CCDC77: variants seen among roughly 807,000 people sequenced by gnomAD.
CCDC77 encodes the protein coiled-coil domain-containing protein 77.
CCDC77 carries 56 observed loss-of-function variants against 66.8 expected under a neutral mutation model. The observed-to-expected ratio is 0.84, with a 90% CI of 0.68 to 1.05. The LOEUF (loss-of-function observed/expected upper bound fraction) is 1.05. Among genes scored for constraint, CCDC77 ranks in the 50% least tolerant of loss-of-function variants. The probability of loss-of-function intolerance (pLI) is 0.00; values close to 1 mark genes in which losing one functional copy is unlikely to be tolerated. For missense variants in CCDC77, 570 were observed against 576.8 expected (o/e 0.99, Z 0.12); for synonymous variants, 196 against 195.2 (o/e 1.00, Z -0.03).
intron 2 of CCDC77, among the ~76,000 whole-genome samples, chr12:408,462 A>G (rs752641048): frequency 8.5e-5 from 13 of 152,192 alleles, no homozygotes; most frequent in Non-Finnish European, 1.3e-4. Flanking sequence ...AGATAGCATC[A>G]GTGGCTTTAT....
At position 416,355 on chromosome 12, in the gene CCDC77, GTGTGTGTGTGTGTGTGTGTGTGTA is replaced by G. The variant is rs1565569018; in HGVS notation, c.271-2137_271-2114del. Among the ~76,000 whole-genome samples, 5 of 31,750 alleles carry G rather than the reference GTGTGTGTGTGTGTGTGTGTGTGTA, an allele frequency of 1.6e-4. No individual in the cohort carries two copies. The East Asian group carries it at 1.0e-2, about 63-fold the overall frequency. The allele number at this position is 31,750 out of a possible 152,430, so 20.8% of individuals were successfully genotyped here. A position where few individuals can be genotyped will look rare whatever the true frequency, so the allele number is the denominator to read the frequency against. On this transcript the variant is annotated intron_variant, in intron 4 of 12. Transcript: ENST00000239830. ...TGTGGGTGTGTGGGGGTGTGTGTGT[GTGTGTGTGTGTGTGTGTGTGTGTA>G]TATATATATATATATATATATATAT...
intron 3 of CCDC77, chr12:409,661 C>T (rs1433055908): frequency 8.2e-6 from 4 of 487,590 alleles, no homozygotes; most frequent in Middle Eastern, 5.7e-4. Context: ...TGATTACAGG[C>T]ATAAGCCACT....
intron 5 of CCDC77, among the ~76,000 whole-genome samples, chr12:423,285 A>G (rs901748116): frequency 8.0e-6 from 1 of 125,184 alleles, no homozygotes; most frequent in African/African-American, 3.0e-5. Context: ...TGCCATGCCC[A>G]GCTAATTTTT....
chr12:427,224 G>A (rs530490371), intron 5 of CCDC77, among the ~76,000 whole-genome samples: 187 of 150,754 alleles, frequency 1.2e-3, no homozygotes, highest in African/African-American at 4.2e-3. Flanking sequence ...CAGCCTGGGC[G>A]ACAGAGCGAG....
chr12:409,337 C>T, intron 2 of CCDC77, 31 bp from the exon 3 acceptor site: 1 of 1,535,878 alleles, frequency 6.5e-7, no homozygotes, highest in South Asian at 1.1e-5. Flanking sequence ...TATTCGTGGC[C>T]CGTAATTATG....
At position 440,861 on chromosome 12, in the gene CCDC77, G is replaced by A. The variant is rs1045935019; in HGVS notation, c.1185G>A (p.Met395Ile). The A allele has an allele frequency of 5.6e-6, 9 of 1,613,450 alleles. No homozygotes were observed. Among genetic ancestry groups the A allele is most frequent in the Non-Finnish European group, 7.6e-6 (9 of 1,180,008 alleles). ...REIFKDRTNK[M>I]GKRLQIMTKR... The stretch of plus-strand genomic sequence containing the variant: ...ATATTTAGGATCGCACTAACAAGAT[G>A]GGGAAGCGTTTACAGATAATGACAA... Residue 395 changes from methionine to isoleucine, a missense_variant, in exon 12 of 13, where the codon ATG (methionine) becomes ATA (isoleucine). Met to Ile is a conservative substitution (Grantham distance 10). Coordinates refer to ENST00000239830, the MANE Select transcript of CCDC77 (RefSeq NM_032358.4).
At chr12:395,096 A>C (rs1944808967) in intron 1 of CCDC77, 1 of 152,130 alleles carries the variant, frequency 6.6e-6, no homozygotes, top group Non-Finnish European at 1.5e-5. Flanking sequence ...TAGTTTTCTG[A>C]GGCACGGTTT....
intron 2 of CCDC77, 110 bp from the exon 3 acceptor site, chr12:409,258 C>A (rs977115532): frequency 1.1e-5 from 8 of 705,462 alleles, no homozygotes; most frequent in Non-Finnish European, 1.7e-5. Context: ...ACATCAGATT[C>A]TTTCCAAGAA....
chr12:389,497 G>A (rs910503448), intron 1 of CCDC77: 3 of 397,168 alleles, frequency 7.6e-6, no homozygotes, highest in African/African-American at 6.1e-5. Flanking sequence ...GTAAGGGGTC[G>A]GGGAGGGGCA....
At chr12:426,610 G>A (rs946455308) in intron 5 of CCDC77, among the ~76,000 whole-genome samples, 1 of 152,176 alleles carries the variant, frequency 6.6e-6, no homozygotes, top group African/African-American at 2.4e-5. Flanking sequence ...CCCCCACCTA[G>A]TATGTCCATT....
intron 4 of CCDC77, among the ~76,000 whole-genome samples, chr12:415,516 ATATTAACATAAT>A (rs1476924664): frequency 3.9e-5 from 5 of 129,204 alleles, no homozygotes; most frequent in African/African-American, 1.2e-4. Context: ...TAATATGTTA[ATATTAACATAAT>A]TATTAACATA....
At chr12:390,265 C>A (rs561744349) in intron 1 of CCDC77, 18 of 152,280 alleles carry the variant, frequency 1.2e-4, no homozygotes, top group African/African-American at 4.1e-4. Flanking sequence ...TTTCTCCTCT[C>A]AAATCCCTCT....
At chr12:393,119 T>C (rs1036857780) in intron 1 of CCDC77, among the ~76,000 whole-genome samples, 86 of 152,282 alleles carry the variant, frequency 5.6e-4, no homozygotes, top group Admixed American at 8.5e-4. Context: ...TATTTATTTT[T>C]TAATTTTTAT....
chr12:409,269 G>A, intron 2 of CCDC77, 99 bp from the exon 3 acceptor site: 8 of 783,642 alleles, frequency 1.0e-5, no homozygotes, highest in South Asian at 1.6e-5. Flanking sequence ...TTTCCAAGAA[G>A]CAAATATGAT....
chr12:416,375 G>GTATATA (rs1489079419), intron 4 of CCDC77, among the ~76,000 whole-genome samples: 5 of 20,592 alleles, frequency 2.4e-4, no homozygotes, highest in East Asian at 8.3e-4. Context: ...GTGTGTGTGT[G>GTATATA]TGTATATATA....
intron 4 of CCDC77, among the ~76,000 whole-genome samples, chr12:412,181 A>G (rs1478412434): frequency 2.6e-5 from 4 of 152,156 alleles, no homozygotes; most frequent in African/African-American, 9.7e-5. Context: ...AAATTCTGAC[A>G]TCTCCATATC....
rs538223151 is a variant in CCDC77, at chr12:408,084, G to T, written c.-16-1284G>T. Among the ~76,000 whole-genome samples, 12 of 152,166 alleles carry T rather than the reference G, an allele frequency of 7.9e-5. No individual in the cohort carries two copies. In the South Asian group the frequency reaches 2.5e-3, roughly 32 times the overall value. ...TTACAGGCATGAGCCACCGCACCCG[G>T]CCACAGGACTGAAGATTTTAAATAG... On this transcript the variant is annotated intron_variant, in intron 2 of 12. Transcript: ENST00000239830.
intron 1 of CCDC77, among the ~76,000 whole-genome samples, chr12:402,213 A>G (rs1944909728): frequency 6.6e-6 from 1 of 152,202 alleles, no homozygotes; most frequent in South Asian, 2.1e-4. Flanking sequence ...TTACCTATAA[A>G]CAAAGGCATT....
At chr12:439,140 T>A (rs548546961) in intron 10 of CCDC77, among the ~76,000 whole-genome samples, 3 of 152,272 alleles carry the variant, frequency 2.0e-5, no homozygotes, top group Non-Finnish European at 4.4e-5. Flanking sequence ...GCCCTAGAGT[T>A]ACAGTAATCT....
Sources: allele counts gnomAD v4.1 joint callset (sites outside exome capture counted in the v4.1 genomes callset), GRCh38; gene constraint gnomAD v4.1.1; transcripts MANE v1.5; gene names NCBI Gene and HGNC (gene_info 2026-07-23, HGNC 2026-07-21).